NLGN1: variants seen among roughly 807,000 people sequenced by gnomAD.
The protein encoded by NLGN1 is neuroligin-1.
A neutral mutation model predicts 65.5 loss-of-function variants in NLGN1; 12 were observed. The ratio of observed to expected loss-of-function variants is 0.18; its 90% CI spans 0.12 to 0.30. The LOEUF (loss-of-function observed/expected upper bound fraction) is 0.30, where lower values mean the gene tolerates loss of function less well. Among genes scored for constraint, NLGN1 ranks in the 10% least tolerant of loss-of-function variants. The pLI, the probability that NLGN1 is intolerant of heterozygous loss-of-function variation, is 1.00. For synonymous variants in NLGN1, 350 were observed against 359.5 expected (o/e 0.97, Z 0.30); for missense variants, 750 against 1,007.1 (o/e 0.74, Z 3.46).
intron 4 of NLGN1, among the ~76,000 whole-genome samples, chr3:174,121,316 A>G (rs1364317530): frequency 6.6e-6 from 1 of 152,194 alleles, no homozygotes. Flanking sequence ...AGTGGAATGA[A>G]TGTTACTAGG....
chr3:173,457,363 G>T (rs951102101), intron 2 of NLGN1, among the ~76,000 whole-genome samples: 3 of 152,096 alleles, frequency 2.0e-5, no homozygotes, highest in Non-Finnish European at 2.9e-5. Flanking sequence ...CCACATAAGT[G>T]TAGGGGGTGA....
At chr3:174,179,677 A>G (rs1010495144) in intron 4 of NLGN1, among the ~76,000 whole-genome samples, 1 of 152,164 alleles carries the variant, frequency 6.6e-6, no homozygotes, top group African/African-American at 2.4e-5. Flanking sequence ...CCAGAGTAGT[A>G]TATATTTTAG....
chr3:173,608,547 C>G (rs1434951909), intron 3 of NLGN1, among the ~76,000 whole-genome samples: 1 of 151,762 alleles, frequency 6.6e-6, no homozygotes, highest in African/African-American at 2.4e-5. Flanking sequence ...TAATTTTAAA[C>G]TTTTTATCTC....
intron 4 of NLGN1, among the ~76,000 whole-genome samples, chr3:174,137,043 C>A (rs1426830276): frequency 6.6e-6 from 1 of 151,992 alleles, no homozygotes; most frequent in African/African-American, 2.4e-5. Flanking sequence ...AACAAAAAGC[C>A]TATATATATG....
At chr3:174,101,393 T>C (rs918649814) in intron 4 of NLGN1, among the ~76,000 whole-genome samples, 1 of 152,164 alleles carries the variant, frequency 6.6e-6, no homozygotes, top group Non-Finnish European at 1.5e-5. Context: ...ACTGGAACAG[T>C]AGCTTTCAGG....
chr3:174,153,102 A>G (rs1010804483), intron 4 of NLGN1, among the ~76,000 whole-genome samples: 6 of 152,140 alleles, frequency 3.9e-5, no homozygotes, highest in African/African-American at 1.4e-4. Context: ...ATGGGAAACC[A>G]GCCTCTTTTA....
At chr3:174,089,101 G>T (rs1295905720) in intron 4 of NLGN1, among the ~76,000 whole-genome samples, 1 of 152,076 alleles carries the variant, frequency 6.6e-6, no homozygotes. Flanking sequence ...AATGAAAACA[G>T]TGCTATTACT....
At chr3:174,173,191 A>C (rs1345604350) in intron 4 of NLGN1, among the ~76,000 whole-genome samples, 1 of 152,038 alleles carries the variant, frequency 6.6e-6, no homozygotes, top group Non-Finnish European at 1.5e-5. Flanking sequence ...GAATGTGTTT[A>C]TCAGCTCTAG....
At chr3:173,480,948 T>C (rs975639685) in intron 2 of NLGN1, among the ~76,000 whole-genome samples, 1 of 152,078 alleles carries the variant, frequency 6.6e-6, no homozygotes, top group Non-Finnish European at 1.5e-5. Context: ...ACCCTTAAAT[T>C]GCATTTATCA....
chr3:173,787,599 A>G (rs972382053), intron 3 of NLGN1, among the ~76,000 whole-genome samples: 1 of 152,224 alleles, frequency 6.6e-6, no homozygotes, highest in African/African-American at 2.4e-5. Flanking sequence ...AAGAATGAAA[A>G]TATAAGGAAG....
chr3:173,614,758 A>T (rs544458836), intron 3 of NLGN1, among the ~76,000 whole-genome samples: 1 of 152,028 alleles, frequency 6.6e-6, no homozygotes, highest in Non-Finnish European at 1.5e-5. Context: ...CATCCCTCAC[A>T]CATATGTATA....
chr3:173,817,046 A>C (rs2150508685), intron 4 of NLGN1, among the ~76,000 whole-genome samples: 1 of 152,378 alleles, frequency 6.6e-6, no homozygotes, highest in South Asian at 2.1e-4. Context: ...TTTATCAGAA[A>C]ATATTTGTTA....
At chr3:173,756,168 A>G (rs527745325) in intron 3 of NLGN1, among the ~76,000 whole-genome samples, 4 of 152,094 alleles carry the variant, frequency 2.6e-5, no homozygotes, top group East Asian at 1.9e-4. Flanking sequence ...TTTGTATCCA[A>G]TAAGATAAAG....
At chr3:173,807,682 A>G (rs749423460) in exon 4 of NLGN1, 3 of 1,613,006 alleles carry the variant, frequency 1.9e-6, no homozygotes, top group Non-Finnish European at 2.5e-6. Flanking sequence ...TTTTCCAGAT[A>G]TTCGGGACAG....
intron 2 of NLGN1, among the ~76,000 whole-genome samples, chr3:173,443,428 A>T (rs1010976807): frequency 6.6e-6 from 1 of 151,240 alleles, no homozygotes; most frequent in Non-Finnish European, 1.5e-5. Context: ...ATACCATTTT[A>T]TATGACTTTA....
intron 4 of NLGN1, among the ~76,000 whole-genome samples, chr3:173,956,814 G>T (rs1358537611): frequency 1.3e-5 from 2 of 152,132 alleles, no homozygotes. Context: ...TCCCACTCAT[G>T]ATTCCTAAGA....
At chr3:173,597,187 A>T (rs1418387592) in intron 2 of NLGN1, among the ~76,000 whole-genome samples, 1 of 152,078 alleles carries the variant, frequency 6.6e-6, no homozygotes, top group Non-Finnish European at 1.5e-5. Context: ...CAGAGCACAA[A>T]CTCCTGTGTC....
intron 3 of NLGN1, among the ~76,000 whole-genome samples, chr3:173,667,026 A>G (rs1189332086): frequency 6.6e-6 from 1 of 152,164 alleles, no homozygotes; most frequent in East Asian, 1.9e-4. Context: ...AATAAACATA[A>G]TCACATTGTA....
intron 4 of NLGN1, among the ~76,000 whole-genome samples, chr3:174,136,160 T>C (rs974234611): frequency 2.6e-5 from 4 of 152,104 alleles, no homozygotes; most frequent in East Asian, 3.8e-4. Flanking sequence ...ACAATAGATA[T>C]AGGTTACAAA....
Sources: allele counts gnomAD v4.1 joint callset (sites outside exome capture counted in the v4.1 genomes callset), GRCh38; gene constraint gnomAD v4.1.1; transcripts MANE v1.5; gene names NCBI Gene and HGNC (gene_info 2026-07-23, HGNC 2026-07-21).